ELMOD2: variants seen among roughly 807,000 people sequenced by gnomAD.
ELMOD2 encodes ELMO domain-containing protein 2.
ELMOD2 carries 28 observed loss-of-function variants against 41.0 expected under a neutral mutation model. The observed-to-expected ratio is 0.68, with a 90% CI of 0.51 to 0.94. ELMOD2 has a LOEUF of 0.94. Among genes scored for constraint, ELMOD2 ranks in the 40% least tolerant of loss-of-function variants. The pLI, the probability that ELMOD2 is intolerant of heterozygous loss-of-function variation, is 0.00. For missense variants in ELMOD2, 333 were observed against 343.1 expected (o/e 0.97, Z 0.23); for synonymous variants, 106 against 107.2 (o/e 0.99, Z 0.07).
chr4:140,531,882 A>G (rs1280007887), intron 3 of ELMOD2, among the ~76,000 whole-genome samples: 2 of 152,244 alleles, frequency 1.3e-5, no homozygotes, highest in Non-Finnish European at 2.9e-5. Flanking sequence ...CTGTAATTTA[A>G]AATTTTTTCA....
rs1206392175 is a variant in ELMOD2 at position 140,551,903 on chromosome 4, A to G, written c.*1528A>G. Reference sequence around the variant, plus strand: ...GTGCTTGCGTTAAAATTAGTTTCTCAATAAGATAAAATTATTTTAAAAATT... The same window carrying G: ...GTGCTTGCGTTAAAATTAGTTTCTCGATAAGATAAAATTATTTTAAAAATT... On this transcript the variant is annotated 3_prime_UTR_variant, in exon 9 of 9. Transcript: ENST00000323570. The G allele has an allele frequency of 6.6e-6, 1 of 152,082 alleles. No individual in the cohort carries two copies. Among genetic ancestry groups the G allele is most frequent in the African/African-American group, 2.4e-5 (1 of 41,450 alleles). The allele number at this position is 152,082 out of a possible 1,614,324, so 9.4% of individuals were successfully genotyped here. A position where few individuals can be genotyped will look rare whatever the true frequency, so the allele number is the denominator to read the frequency against.
rs760757020 is a variant in ELMOD2, at chr4:140,535,719, T to G, written c.172-14T>G. 26 of 1,602,868 alleles carry G rather than the reference T, an allele frequency of 1.6e-5. No homozygotes were observed. The Admixed American group carries it at 4.6e-4, about 28-fold the overall frequency. Reference sequence around the variant, plus strand: ...AAAGAATTTTTCTCATTTGGCTTTCTTTTACATAAATAGGTTTTACAGAAG... The same window carrying G: ...AAAGAATTTTTCTCATTTGGCTTTCGTTTACATAAATAGGTTTTACAGAAG... On this transcript the variant is annotated splice_polypyrimidine_tract_variant and intron_variant, in intron 3 of 8. Transcript: ENST00000323570.
rs563095872 is a variant in ELMOD2, at chr4:140,550,337, T to C, written c.844T>C (p.Leu282=). ...GTTTCATGAAAAGATTAAAGGACTT[T>C]TACTGGATTGTAATGTAGCACTTAC... is the stretch of plus-strand genomic sequence containing the variant. ...EKFHEKIKGL[L]LDCNVALTLK... The change falls in exon 9 of 9, where the codon TTA becomes CTA. Residue 282 remains leucine, a synonymous_variant. Transcript: ENST00000323570. 6 of 1,610,988 alleles carry C rather than the reference T, an allele frequency of 3.7e-6. No homozygotes were observed. In the Admixed American group the frequency reaches 5.0e-5, roughly 13 times the overall value.
chr4:140,540,372 A>G (rs1735068021), intron 6 of ELMOD2, 71 bp downstream of exon 6: 3 of 1,559,700 alleles, frequency 1.9e-6, no homozygotes, highest in Non-Finnish European at 2.6e-6. Flanking sequence ...GTTACTTCTA[A>G]TAAGAAGTGA....
At chr4:140,535,372 C>T (rs1734886235) in intron 3 of ELMOD2, 1 of 173,884 alleles carries the variant, frequency 5.8e-6, no homozygotes, top group African/African-American at 2.4e-5. Context: ...TGAGATTCAA[C>T]TCTTTTCTGC....
intron 3 of ELMOD2, among the ~76,000 whole-genome samples, chr4:140,530,241 T>C (rs1408840291): frequency 7.9e-5 from 12 of 152,156 alleles, no homozygotes; most frequent in Non-Finnish European, 1.5e-4. Context: ...ATTGTATGTG[T>C]GGTAAAATCA....
At chr4:140,536,500 A>T (rs1293896925) in intron 4 of ELMOD2, among the ~76,000 whole-genome samples, 4 of 152,198 alleles carry the variant, frequency 2.6e-5, no homozygotes, top group Non-Finnish European at 5.9e-5. Flanking sequence ...GGGTAGGGGA[A>T]CAGTGCCAAC....
intron 3 of ELMOD2, among the ~76,000 whole-genome samples, chr4:140,534,641 T>C (rs1350830018): frequency 2.0e-5 from 3 of 152,210 alleles, no homozygotes; most frequent in Non-Finnish European, 2.9e-5. Context: ...AATTTATATA[T>C]GCCTTGGGCA....
intron 5 of ELMOD2, among the ~76,000 whole-genome samples, chr4:140,538,134 A>G (rs1734990542): frequency 1.3e-5 from 2 of 152,208 alleles, no homozygotes; most frequent in Non-Finnish European, 2.9e-5. Flanking sequence ...ATTAAAGAGT[A>G]ATAGACCTAG....
intron 3 of ELMOD2, among the ~76,000 whole-genome samples, chr4:140,530,910 C>T (rs1416619371): frequency 6.6e-6 from 1 of 151,946 alleles, no homozygotes; most frequent in Non-Finnish European, 1.5e-5. Flanking sequence ...TATCAATTAC[C>T]AGTTGTTTGA....
rs1308092605 is a variant in ELMOD2 at position 140,552,885 on chromosome 4, A to G, written c.*2510A>G. ...GATCTGAAAGACAATCTTTAAAGAA[A>G]TGGGAGAAATTGGGGGTATCAGTGA... On this transcript the variant is annotated 3_prime_UTR_variant, in exon 9 of 9. Coordinates refer to ENST00000323570, the MANE Select transcript of ELMOD2 (RefSeq NM_153702.4). 5 of 151,354 alleles carry G rather than the reference A, an allele frequency of 3.3e-5. No homozygotes were observed. Among genetic ancestry groups the G allele is most frequent in the African/African-American group, 4.8e-5 (2 of 41,378 alleles). 9.4% of individuals were successfully genotyped at this position (151,354 alleles called of 1,614,324 possible). A position where few individuals can be genotyped will look rare whatever the true frequency, so the allele number is the denominator to read the frequency against.
At chr4:140,530,061 A>T (rs913577191) in intron 3 of ELMOD2, among the ~76,000 whole-genome samples, 1 of 152,234 alleles carries the variant, frequency 6.6e-6, no homozygotes, top group African/African-American at 2.4e-5. Context: ...GAGGATAAAG[A>T]ATAATAAGTA....
At chr4:140,542,314 A>C in intron 6 of ELMOD2, 4 of 235,074 alleles carry the variant, frequency 1.7e-5, no homozygotes, top group East Asian at 8.1e-5. Flanking sequence ...TTTTTAAGGT[A>C]GTCTCTTTTT....
Position 140,525,268 on chromosome 4 carries a change from C to T in ELMOD2, c.-9-152C>T. On this transcript the variant is annotated intron_variant, in intron 1 of 8. Transcript: ENST00000323570. ...TTAATAGCGGTATATATTACACCTG[C>T]CATTGTTTTTAAATGCCTAATTAAA... 4.0e-6 allele frequency: 3 copies of T among 752,130 alleles called. No homozygotes were observed. The South Asian group carries it at 5.8e-5, about 15-fold the overall frequency. The allele number at this position is 752,130 out of a possible 1,614,324, so 46.6% of individuals were successfully genotyped here. A position where few individuals can be genotyped will look rare whatever the true frequency, so the allele number is the denominator to read the frequency against.
At chr4:140,548,929 T>C (rs1397015650) in intron 8 of ELMOD2, among the ~76,000 whole-genome samples, 1 of 152,172 alleles carries the variant, frequency 6.6e-6, no homozygotes, top group Non-Finnish European at 1.5e-5. Context: ...TATTTAAATA[T>C]GTATGATTTG....
At chr4:140,535,286 A>T (rs1734883782) in intron 3 of ELMOD2, 1 of 159,874 alleles carries the variant, frequency 6.3e-6, no homozygotes. Flanking sequence ...AAATTCCTAC[A>T]GTTTTCAAAT....
Position 140,529,122 on chromosome 4 carries a change from C to T in ELMOD2, c.171+1628C>T, listed in dbSNP as rs527787399. On this transcript the variant is annotated intron_variant, in intron 3 of 8. Coordinates refer to ENST00000323570, the MANE Select transcript of ELMOD2 (RefSeq NM_153702.4). ...AACACAGATTATTGGGCCCCATCCC[C>T]GGAATTTCTGGTCTGGTTCTGATTG... Among the ~76,000 whole-genome samples, 28 of 152,268 alleles carry T rather than the reference C, an allele frequency of 1.8e-4. No individual in the cohort carries two copies. In the East Asian group the frequency reaches 4.2e-3, roughly 23 times the overall value.
At chr4:140,537,315 G>C in intron 4 of ELMOD2, 97 bp from the exon 5 acceptor site, 1 of 1,123,958 alleles carries the variant, frequency 8.9e-7, no homozygotes, top group Admixed American at 3.9e-5. Context: ...CTGAAAGCCA[G>C]GAAATGCTTT....
chr4:140,542,183 C>G (rs960977229), intron 6 of ELMOD2, among the ~76,000 whole-genome samples: 1 of 151,706 alleles, frequency 6.6e-6, no homozygotes, highest in African/African-American at 2.4e-5. Flanking sequence ...ACAACACAGA[C>G]TTAAATTGTA....
Sources: allele counts gnomAD v4.1 joint callset (sites outside exome capture counted in the v4.1 genomes callset), GRCh38; gene constraint gnomAD v4.1.1; transcripts MANE v1.5; gene names NCBI Gene and HGNC (gene_info 2026-07-23, HGNC 2026-07-21).